Variants in TTC1 observed in about 807,000 individuals in gnomAD.
The protein encoded by TTC1 is tetratricopeptide repeat domain 1, also known as tetratricopeptide repeat protein 1.
A neutral mutation model predicts 37.6 loss-of-function variants in TTC1; 31 were observed. The observed-to-expected ratio is 0.82, with a 90% CI of 0.62 to 1.11. The LOEUF (loss-of-function observed/expected upper bound fraction) is 1.11. Among genes scored for constraint, TTC1 ranks in the 50% most tolerant of loss-of-function variants. The pLI is 0.00. For missense variants in TTC1, 351 were observed against 339.0 expected (o/e 1.04, Z -0.28); for synonymous variants, 127 against 122.4 (o/e 1.04, Z -0.25).
At chr5:160,010,006 GT>G (rs1226500648) in intron 1 of TTC1, among the ~76,000 whole-genome samples, 1 of 152,144 alleles carries the variant, frequency 6.6e-6, no homozygotes, top group Non-Finnish European at 1.5e-5. Flanking sequence ...TCTTGGCACT[GT>G]TTTAGTTTCT....
intron 7 of TTC1, among the ~76,000 whole-genome samples, chr5:160,053,892 G>A (rs901975015): frequency 2.6e-5 from 4 of 152,186 alleles, no homozygotes; most frequent in African/African-American, 9.7e-5. Flanking sequence ...GGAATTATTA[G>A]TGGGTAGAAC....
chr5:160,062,808 T>G (rs75262195), intron 7 of TTC1, among the ~76,000 whole-genome samples: 7 of 135,442 alleles, frequency 5.2e-5, no homozygotes, highest in South Asian at 2.5e-4. Context: ...CTTTTGATGG[T>G]TTTTTTTTTC....
intron 5 of TTC1, among the ~76,000 whole-genome samples, chr5:160,048,024 G>A (rs547530208): frequency 6.6e-6 from 1 of 150,578 alleles, no homozygotes; most frequent in African/African-American, 2.4e-5. Context: ...TACTACATTG[G>A]ACGTATATAT....
chr5:160,033,365 C>G (rs148785852), intron 2 of TTC1, among the ~76,000 whole-genome samples: 2 of 152,294 alleles, frequency 1.3e-5, no homozygotes, highest in East Asian at 3.9e-4. Flanking sequence ...TCACTCTATA[C>G]TTACCTTTTA....
At position 160,049,454 on chromosome 5, in the gene TTC1, A is replaced by G. The variant is rs371310573; in HGVS notation, c.542-60A>G. On this transcript the variant is annotated intron_variant, in intron 5 of 7. Transcript: ENST00000231238. ...GATGATTGATGAAGGAATCTGATATAGCCAAAGATATGTAGGCCATTTTTC... is the reference window on the plus strand; with the variant it reads ...GATGATTGATGAAGGAATCTGATATGGCCAAAGATATGTAGGCCATTTTTC... The G allele has an allele frequency of 2.5e-4, 354 of 1,415,540 alleles. 3 individuals carry two copies. The South Asian group carries it at 4.5e-3, about 18-fold the overall frequency. 87.7% of individuals were successfully genotyped at this position (1,415,540 alleles called of 1,614,324 possible).
chr5:160,048,915 C>T (rs1393885145), intron 5 of TTC1, among the ~76,000 whole-genome samples: 1 of 151,514 alleles, frequency 6.6e-6, no homozygotes, highest in Non-Finnish European at 1.5e-5. Context: ...CACACCACTG[C>T]ACTCCAGCCT....
rs1296335417 is a variant in TTC1 at position 160,014,513 on chromosome 5, ATTT to A, written c.330+3662_330+3664del. 8.0e-4 allele frequency among the ~76,000 whole-genome samples: 120 copies of A among 150,330 alleles called. 1 individual carries two copies. The highest frequency in any genetic ancestry group is 2.8e-3 in the African/African-American group (114 of 40,714). On this transcript the variant is annotated intron_variant, in intron 2 of 7. Coordinates refer to ENST00000231238, the MANE Select transcript of TTC1 (RefSeq NM_003314.3). ...ACCCTGTCTTTCCAAAAAAAAAAAA[ATTT>A]TTTTTTAATTAAAATTTTTTAAAAA...
chr5:160,036,306 A>G (rs1460687273), intron 3 of TTC1, among the ~76,000 whole-genome samples: 8 of 152,206 alleles, frequency 5.3e-5, no homozygotes, highest in African/African-American at 7.2e-5. Flanking sequence ...ATCTCAGGCC[A>G]TGGATCCCAG....
rs73309367 is a variant in TTC1, at chr5:160,048,094, G to C, written c.542-1420G>C. Among the ~76,000 whole-genome samples, 711 of 115,640 alleles carry C rather than the reference G, an allele frequency of 6.1e-3. 4 individuals are homozygous for C. Among genetic ancestry groups the C allele is most frequent in the African/African-American group, 0.022 (685 of 30,890 alleles). The allele number at this position is 115,640 out of a possible 152,430, so 75.9% of individuals were successfully genotyped here. On this transcript the variant is annotated intron_variant, in intron 5 of 7. Transcript: ENST00000231238. Reference sequence around the variant, plus strand: ...TTTAAAAATTAAGGATAGATTATGAGAAAAGAAAAAAGTTCTAGAGCCAAG... The same window carrying C: ...TTTAAAAATTAAGGATAGATTATGACAAAAGAAAAAAGTTCTAGAGCCAAG...
chr5:160,032,639 G>A (rs1366798647), intron 2 of TTC1, among the ~76,000 whole-genome samples: 3 of 144,092 alleles, frequency 2.1e-5, no homozygotes, highest in Non-Finnish European at 3.0e-5. Flanking sequence ...GTCCTGGCAA[G>A]TCTTTCACTA....
chr5:160,014,354 G>C (rs948504857), intron 2 of TTC1, among the ~76,000 whole-genome samples: 1 of 150,642 alleles, frequency 6.6e-6, no homozygotes, highest in African/African-American at 2.4e-5. Context: ...GCAAAACTCC[G>C]TCTCAGAAAA....
chr5:160,054,810 A>G (rs540757236), intron 7 of TTC1, among the ~76,000 whole-genome samples: 1 of 152,192 alleles, frequency 6.6e-6, no homozygotes, highest in South Asian at 2.1e-4. Flanking sequence ...CTTTATGGGT[A>G]TATTTCATTG....
chr5:160,032,436 A>G (rs1561629989), intron 2 of TTC1, among the ~76,000 whole-genome samples: 1 of 152,020 alleles, frequency 6.6e-6, no homozygotes, highest in Non-Finnish European at 1.5e-5. Flanking sequence ...ACCCCTTCCT[A>G]TTTGGAGGAA....
rs912169663 is a variant in TTC1, at chr5:160,065,403, C to T, written c.*338C>T. On this transcript the variant is annotated 3_prime_UTR_variant, in exon 8 of 8. Transcript: ENST00000231238. ...CAGCAAAAGCCTCTCCTGAACCAAA[C>T]AAACCTGTTGGTTGGGAGACTGCCC... The T allele has an allele frequency of 4.1e-6, 2 of 483,130 alleles. No homozygotes were observed. Among genetic ancestry groups the T allele is most frequent in the Non-Finnish European group, 8.2e-6 (2 of 245,380 alleles). 29.9% of individuals were successfully genotyped at this position (483,130 alleles called of 1,614,324 possible).
chr5:160,013,105 CAG>C (rs1446641632), intron 2 of TTC1, among the ~76,000 whole-genome samples: 4 of 152,142 alleles, frequency 2.6e-5, no homozygotes, highest in African/African-American at 4.8e-5. Context: ...TATCTCATAA[CAG>C]TAACATACTG....
chr5:160,036,382 G>A, intron 3 of TTC1: 1 of 223,358 alleles, frequency 4.5e-6, no homozygotes, highest in South Asian at 8.9e-5. Context: ...GAATTGCCCA[G>A]CCAAATGAAA....
At chr5:160,041,956 G>A (rs554059434) in intron 4 of TTC1, among the ~76,000 whole-genome samples, 1 of 152,158 alleles carries the variant, frequency 6.6e-6, no homozygotes, top group East Asian at 1.9e-4. Flanking sequence ...CTGAGATGGA[G>A]TCTTGCTCTG....
intron 2 of TTC1, 103 bp from the exon 3 acceptor site, chr5:160,035,037 A>G: frequency 3.1e-6 from 3 of 960,290 alleles, no homozygotes; most frequent in Non-Finnish European, 4.4e-6. Flanking sequence ...CTCAAAAGTC[A>G]GACTGTTGCC....
chr5:160,054,166 T>C (rs1468463569), intron 7 of TTC1, among the ~76,000 whole-genome samples: 2 of 152,022 alleles, frequency 1.3e-5, no homozygotes, highest in Non-Finnish European at 1.5e-5. Flanking sequence ...TTAAAAGGAC[T>C]TAAGGGTATG....
Sources: allele counts gnomAD v4.1 joint callset (sites outside exome capture counted in the v4.1 genomes callset), GRCh38; gene constraint gnomAD v4.1.1; transcripts MANE v1.5; gene names NCBI Gene and HGNC (gene_info 2026-07-23, HGNC 2026-07-21).